Variants in AKT3 observed in about 807,000 individuals in gnomAD.
AKT3 encodes the protein RAC-gamma serine/threonine-protein kinase.
AKT3 carries 15 observed loss-of-function variants against 65.3 expected under a neutral mutation model. The ratio of observed to expected loss-of-function variants is 0.23; its 90% CI spans 0.15 to 0.35. AKT3 has a LOEUF of 0.35. Among genes scored for constraint, AKT3 ranks in the 10% least tolerant of loss-of-function variants. The pLI is 1.00. For missense variants in AKT3, 243 were observed against 576.5 expected, an observed-to-expected ratio of 0.42 and a Z score of 5.92; for synonymous variants, 206 against 183.8, an observed-to-expected ratio of 1.12 and a Z score of -0.98.
At chr1:243,628,085 C>A (rs1268125014) in intron 6 of AKT3, among the ~76,000 whole-genome samples, 2 of 152,166 alleles carry the variant, frequency 1.3e-5, no homozygotes, top group Non-Finnish European at 2.9e-5. Flanking sequence ...AAGTATAGAA[C>A]ACATCATTAG....
intron 2 of AKT3, among the ~76,000 whole-genome samples, chr1:243,773,297 T>C (rs969330447): frequency 2.6e-5 from 4 of 151,750 alleles, no homozygotes; most frequent in East Asian, 1.9e-4. Flanking sequence ...ATTAAAGATA[T>C]TGTCATGTTC....
chr1:243,552,399 GC>G (rs1264731044), intron 11 of AKT3, among the ~76,000 whole-genome samples: 1 of 149,808 alleles, frequency 6.7e-6, no homozygotes, highest in Non-Finnish European at 1.5e-5. Flanking sequence ...AAATACAAAG[GC>G]CCAGAGACTG....
At chr1:243,699,583 T>C (rs554979650) in intron 2 of AKT3, among the ~76,000 whole-genome samples, 46 of 148,908 alleles carry the variant, frequency 3.1e-4, no homozygotes, top group Middle Eastern at 3.5e-3. Context: ...TGAAGTATGC[T>C]GTTATCAATA....
At chr1:243,687,457 G>GA (rs1328931246) in intron 3 of AKT3, 1 of 152,130 alleles carries the variant, frequency 6.6e-6, no homozygotes, top group South Asian at 2.1e-4. Flanking sequence ...TATTTAATAA[G>GA]AAACTCAGAT....
chr1:243,782,145 T>C (rs1052337616), intron 2 of AKT3, among the ~76,000 whole-genome samples: 6 of 152,070 alleles, frequency 3.9e-5, no homozygotes, highest in African/African-American at 1.4e-4. Flanking sequence ...TAATGGCCCT[T>C]TGGAGACAAG....
At chr1:243,509,566 G>A (rs1053872421) in intron 13 of AKT3, among the ~76,000 whole-genome samples, 2 of 152,040 alleles carry the variant, frequency 1.3e-5, no homozygotes, top group African/African-American at 4.8e-5. Flanking sequence ...ATTTGCTCTG[G>A]TCTTTCTAGT....
At chr1:243,810,303 AG>A (rs1693045882) in intron 2 of AKT3, among the ~76,000 whole-genome samples, 1 of 152,232 alleles carries the variant, frequency 6.6e-6, no homozygotes, top group South Asian at 2.1e-4. Context: ...AAGAAAAGAG[AG>A]AAGAATCAAA....
chr1:243,543,643 T>C (rs536349658), intron 12 of AKT3, among the ~76,000 whole-genome samples: 1 of 152,306 alleles, frequency 6.6e-6, no homozygotes, highest in African/African-American at 2.4e-5. Context: ...CACAGCTCAT[T>C]AGAGGCATTC....
At chr1:243,621,454 T>C (rs1047413244) in intron 6 of AKT3, among the ~76,000 whole-genome samples, 1 of 152,148 alleles carries the variant, frequency 6.6e-6, no homozygotes, top group African/African-American at 2.4e-5. Context: ...GAAACCCTTA[T>C]TCTGTAAGCA....
intron 2 of AKT3, among the ~76,000 whole-genome samples, chr1:243,806,253 T>C (rs1692720083): frequency 1.3e-5 from 2 of 152,256 alleles, no homozygotes; most frequent in South Asian, 2.1e-4. Flanking sequence ...GCTATGTTTT[T>C]CATCTCACCC....
chr1:243,833,847 G>A (rs1456631198), intron 2 of AKT3, among the ~76,000 whole-genome samples: 1 of 151,678 alleles, frequency 6.6e-6, no homozygotes, highest in Non-Finnish European at 1.5e-5. Context: ...ATCGCTTGAG[G>A]CCAGGAGTTT....
intron 2 of AKT3, among the ~76,000 whole-genome samples, chr1:243,781,976 T>C (rs1690943898): frequency 6.6e-6 from 1 of 152,060 alleles, no homozygotes; most frequent in Admixed American, 6.5e-5. Context: ...GTGCACACCA[T>C]CATGCCCAGC....
chr1:243,612,457 G>C (rs1380596041), intron 8 of AKT3: 2 of 151,954 alleles, frequency 1.3e-5, no homozygotes, highest in Non-Finnish European at 2.9e-5. Flanking sequence ...CTGCAAATCA[G>C]ATAATTCTAC....
intron 1 of AKT3, among the ~76,000 whole-genome samples, chr1:243,845,723 C>T (rs1263927135): frequency 6.6e-6 from 1 of 151,336 alleles, no homozygotes; most frequent in Non-Finnish European, 1.5e-5. Flanking sequence ...TCCATACATA[C>T]ATATAAAATG....
At chr1:243,671,133 C>T (rs1683131079) in intron 3 of AKT3, among the ~76,000 whole-genome samples, 1 of 146,150 alleles carries the variant, frequency 6.8e-6, no homozygotes, top group African/African-American at 2.6e-5. Context: ...GGCTGGAGTG[C>T]AGTGGCGCAA....
At chr1:243,712,738 A>G (rs1373775478) in intron 2 of AKT3, among the ~76,000 whole-genome samples, 1 of 152,150 alleles carries the variant, frequency 6.6e-6, no homozygotes, top group Non-Finnish European at 1.5e-5. Flanking sequence ...TTTCTTCTCA[A>G]TTATTTAAGG....
chr1:243,564,358 G>T (rs1449435295), intron 9 of AKT3, among the ~76,000 whole-genome samples: 1 of 151,984 alleles, frequency 6.6e-6, no homozygotes, highest in African/African-American at 2.4e-5. Flanking sequence ...ATCCTCTTTT[G>T]CAGTTCTTTG....
chr1:243,554,027 T>C (rs1186156248), intron 10 of AKT3, among the ~76,000 whole-genome samples: 3 of 152,208 alleles, frequency 2.0e-5, no homozygotes, highest in Non-Finnish European at 2.9e-5. Flanking sequence ...GCAGTACTTG[T>C]GTTCCAAACT....
At chr1:243,710,532 A>G (rs1466971882) in intron 2 of AKT3, among the ~76,000 whole-genome samples, 1 of 152,220 alleles carries the variant, frequency 6.6e-6, no homozygotes, top group Non-Finnish European at 1.5e-5. Context: ...GTCCTATGAA[A>G]GACTCTTAAA....
Sources: allele counts gnomAD v4.1 joint callset (sites outside exome capture counted in the v4.1 genomes callset), GRCh38; gene constraint gnomAD v4.1.1; transcripts MANE v1.5; gene names NCBI Gene and HGNC (gene_info 2026-07-23, HGNC 2026-07-21).